Variants in NBAS observed in about 807,000 individuals in gnomAD.
NBAS encodes the protein NAG/BC035112 fusion.
Under a neutral mutation model 302.5 loss-of-function variants are expected in NBAS, and 219 were observed. The observed-to-expected ratio is 0.72, with a 90% CI of 0.65 to 0.81. The LOEUF is 0.81. NBAS is among the 30% of genes least tolerant of loss of function. The probability of loss-of-function intolerance (pLI) is 0.00; values close to 1 mark genes in which losing one functional copy is unlikely to be tolerated. For missense variants in NBAS, 2,932 were observed against 2,841.6 expected, an observed-to-expected ratio of 1.03 and a Z score of -0.72; for synonymous variants, 1,118 against 1,021.6, an observed-to-expected ratio of 1.09 and a Z score of -1.80.
At chr2:15,190,763 T>C (rs946092539) in intron 48 of NBAS, among the ~76,000 whole-genome samples, 1 of 152,192 alleles carries the variant, frequency 6.6e-6, no homozygotes, top group African/African-American at 2.4e-5. Flanking sequence ...TTTTAAAGTT[T>C]AAGTTATCCC....
At chr2:15,233,056 C>T (rs546720571) in intron 46 of NBAS, among the ~76,000 whole-genome samples, 16 of 152,178 alleles carry the variant, frequency 1.1e-4, no homozygotes, top group African/African-American at 2.9e-4. Context: ...AAAATATTTT[C>T]GATGAGTTTT....
At chr2:15,360,771 C>T (rs1244883095) in intron 32 of NBAS, among the ~76,000 whole-genome samples, 4 of 151,764 alleles carry the variant, frequency 2.6e-5, no homozygotes, top group African/African-American at 7.3e-5. Context: ...CTTCCACCTC[C>T]ACCTATTGTC....
intron 25 of NBAS, among the ~76,000 whole-genome samples, chr2:15,410,541 A>T (rs2148448673): frequency 6.6e-6 from 1 of 152,338 alleles, no homozygotes; most frequent in East Asian, 1.9e-4. Context: ...GAAAAAGTCA[A>T]CACTGATACA....
At chr2:15,392,263 T>G (rs965324164) in intron 28 of NBAS, among the ~76,000 whole-genome samples, 1 of 150,618 alleles carries the variant, frequency 6.6e-6, no homozygotes, top group African/African-American at 2.4e-5. Context: ...AAAAAAAAGC[T>G]TGGAGAGGAG....
chr2:15,303,697 A>C (rs778644811), intron 40 of NBAS, among the ~76,000 whole-genome samples: 4 of 152,214 alleles, frequency 2.6e-5, no homozygotes, highest in Non-Finnish European at 5.9e-5. Context: ...AGGACTTTTC[A>C]TTTTGGTACA....
intron 13 of NBAS, among the ~76,000 whole-genome samples, chr2:15,476,604 C>T (rs1019851936): frequency 6.6e-6 from 1 of 151,984 alleles, no homozygotes; most frequent in African/African-American, 2.4e-5. Flanking sequence ...GCCTGTAGTT[C>T]CAACTACTGG....
chr2:15,040,274 A>G, the NBAS span, among the ~76,000 whole-genome samples: 1 of 152,204 alleles, frequency 6.6e-6, no homozygotes, highest in African/African-American at 2.4e-5. Context: ...GGTAAGGCTT[A>G]TTACAGGTGG....
At chr2:15,360,102 A>G (rs567220969) in intron 32 of NBAS, among the ~76,000 whole-genome samples, 9 of 152,276 alleles carry the variant, frequency 5.9e-5, no homozygotes, top group Admixed American at 1.3e-4. Context: ...TGTACAAAAG[A>G]TAAAAAATGG....
chr2:15,496,639 A>G (rs956034270), intron 11 of NBAS, among the ~76,000 whole-genome samples: 6 of 151,796 alleles, frequency 4.0e-5, no homozygotes, highest in Admixed American at 6.6e-5. Flanking sequence ...GAGGGAGGGA[A>G]GAAAGGAAGA....
chr2:15,114,497 G>A, the NBAS span, among the ~76,000 whole-genome samples: 4 of 152,032 alleles, frequency 2.6e-5, no homozygotes, highest in African/African-American at 4.8e-5. Flanking sequence ...TGAAGTATTC[G>A]AGGTTAGGGC....
chr2:15,449,066 T>C (rs1678884167), intron 21 of NBAS, among the ~76,000 whole-genome samples: 2 of 152,174 alleles, frequency 1.3e-5, no homozygotes, highest in African/African-American at 4.8e-5. Context: ...ATTTGGTATC[T>C]GAGTCTAGTA....
intron 7 of NBAS, 27 bp from the exon 8 acceptor site, chr2:15,536,578 C>T (rs180812128): frequency 3.9e-6 from 6 of 1,522,244 alleles, no homozygotes; most frequent in Admixed American, 3.9e-5. Flanking sequence ...AATTAAGTTA[C>T]TAAAAAAAAA....
At chr2:14,955,959 T>G in the NBAS span, among the ~76,000 whole-genome samples, 14 of 152,188 alleles carry the variant, frequency 9.2e-5, no homozygotes, top group African/African-American at 3.1e-4. Context: ...TGGCATGAAT[T>G]TGTCCCCAGA....
In NBAS at chr2:15,218,774, T is replaced by C; in HGVS notation, c.6431A>G (p.Gln2144Arg). 1 of 1,614,238 alleles carries C rather than the reference T, an allele frequency of 6.2e-7. No individual in the cohort carries two copies. Residue 2144 changes from glutamine (Q) to arginine (R), a missense_variant and splice_region_variant, in exon 48 of 52, where the codon CAG becomes CGG. Coordinates refer to ENST00000281513, the MANE Select transcript of NBAS (RefSeq NM_015909.4). ...ATAATCATTCAGACACTCCCTTACC[T>C]GTCTCTGGGGCCAGGAGGCTTTGAG... ...AILKASWPQR[Q>R]VDIADIENEE...
rs145337617 is a variant in NBAS, at chr2:15,205,411, T to C, written c.6432+13362A>G. Among the ~76,000 whole-genome samples, 288 of 151,890 alleles carry C rather than the reference T, an allele frequency of 1.9e-3. 2 individuals are homozygous for C. Among genetic ancestry groups the C allele is most frequent in the African/African-American group, 6.5e-3 (268 of 41,384 alleles). On this transcript the variant is annotated intron_variant, in intron 48 of 51. Transcript: ENST00000281513. ...AACAGCAGGAGTAAGTCCTTACTTA[T>C]CAATAATAACCTTGAATGAAATGGA...
the NBAS span, among the ~76,000 whole-genome samples, chr2:14,993,358 A>G: frequency 5.3e-5 from 8 of 152,278 alleles, no homozygotes; most frequent in East Asian, 1.2e-3. Flanking sequence ...TCAGGTTGAC[A>G]TGAGGAGGGG....
the NBAS span, among the ~76,000 whole-genome samples, chr2:14,917,831 A>C: frequency 6.6e-6 from 1 of 152,220 alleles, no homozygotes; most frequent in Non-Finnish European, 1.5e-5. Flanking sequence ...GGAGAACAGC[A>C]GCTCCCTAAG....
chr2:14,965,572 C>T, the NBAS span, among the ~76,000 whole-genome samples: 3 of 152,140 alleles, frequency 2.0e-5, no homozygotes, highest in Non-Finnish European at 4.4e-5. Flanking sequence ...CAAATGGCTA[C>T]ACTGGAGAAT....
At chr2:15,387,755 C>G (rs1675378043) in intron 28 of NBAS, among the ~76,000 whole-genome samples, 1 of 152,038 alleles carries the variant, frequency 6.6e-6, no homozygotes, top group Non-Finnish European at 1.5e-5. Flanking sequence ...CCTCAGCCTC[C>G]CTAGTAGCTG....
Sources: allele counts gnomAD v4.1 joint callset (sites outside exome capture counted in the v4.1 genomes callset), GRCh38; gene constraint gnomAD v4.1.1; transcripts MANE v1.5; gene names NCBI Gene and HGNC (gene_info 2026-07-23, HGNC 2026-07-21).